RPTOR: variants seen among roughly 807,000 people sequenced by gnomAD.
RPTOR encodes the protein regulatory-associated protein of mTOR.
RPTOR carries 21 observed loss-of-function variants against 169.9 expected under a neutral mutation model. The ratio of observed to expected loss-of-function variants is 0.12; its 90% CI spans 0.09 to 0.18. The LOEUF is 0.18. Ranked by LOEUF, RPTOR falls within the 10% of genes least tolerant of loss-of-function variation. The pLI is 1.00. For missense variants in RPTOR, 1,133 were observed against 1,855.9 expected, an observed-to-expected ratio of 0.61 and a Z score of 7.16; for synonymous variants, 732 against 753.2, an observed-to-expected ratio of 0.97 and a Z score of 0.46.
intron 21 of RPTOR, among the ~76,000 whole-genome samples, chr17:80,919,152 C>T (rs1420587612): frequency 6.6e-6 from 1 of 152,180 alleles, no homozygotes; most frequent in Non-Finnish European, 1.5e-5. Flanking sequence ...AGAGTCACCA[C>T]GTTGCTTTAA....
intron 25 of RPTOR, 76 bp downstream of exon 25, chr17:80,940,677 C>T (rs566204968): frequency 8.4e-7 from 1 of 1,192,500 alleles, no homozygotes; most frequent in Non-Finnish European, 1.2e-6. Flanking sequence ...TGTGAGCAGG[C>T]CCCCCGCGGC....
At chr17:80,678,012 C>T (rs2143698710) in intron 3 of RPTOR, among the ~76,000 whole-genome samples, 1 of 152,236 alleles carries the variant, frequency 6.6e-6, no homozygotes, top group East Asian at 1.9e-4. Context: ...TGTAGAAGAA[C>T]AAGAAGGAGA....
intron 6 of RPTOR, among the ~76,000 whole-genome samples, chr17:80,772,261 A>G (rs2066851034): frequency 6.6e-6 from 1 of 152,150 alleles, no homozygotes; most frequent in South Asian, 2.1e-4. Flanking sequence ...TTTGTCTTGG[A>G]TTGTCTTCCT....
At chr17:80,846,655 T>G in intron 11 of RPTOR, 81 bp downstream of exon 11, 1 of 1,166,644 alleles carries the variant, frequency 8.6e-7, no homozygotes, top group South Asian at 1.3e-5. Flanking sequence ...GGGAGTGCCT[T>G]CTCTCTCCCT....
At chr17:80,625,422 G>C (rs1003705790) in intron 1 of RPTOR, among the ~76,000 whole-genome samples, 5 of 152,134 alleles carry the variant, frequency 3.3e-5, no homozygotes, top group Admixed American at 3.3e-4. Context: ...TTCCATTTCT[G>C]GAGATTTATC....
At chr17:80,800,403 G>A (rs9903560) in intron 7 of RPTOR, among the ~76,000 whole-genome samples, 33,377 of 152,062 alleles carry the variant, frequency 0.22, 4,033 homozygotes, top group African/African-American at 0.31. Context: ...AGCTTTCGCC[G>A]TCCTTGTCAG....
rs1344439170 is a variant in RPTOR, at chr17:80,721,618, A to T, written c.508-8942A>T. Among the ~76,000 whole-genome samples, 1 of 151,338 alleles carries T rather than the reference A, an allele frequency of 6.6e-6. No homozygotes were observed. The highest frequency in any genetic ancestry group is 2.5e-5 in the African/African-American group (1 of 40,642). ...CTGGGCAGCTGGGTGTCTCCAGCCC[A>T]TCATGCTGGAACATGCTGGAAGCTT... On this transcript the variant is annotated intron_variant, in intron 4 of 33. Transcript: ENST00000306801. This position sits in a 1 kb window ranked among gnomAD's most constrained non-coding sequence, Gnocchi z 4.7.
intron 1 of RPTOR, among the ~76,000 whole-genome samples, chr17:80,623,657 T>C (rs2065372015): frequency 6.6e-6 from 1 of 152,076 alleles, no homozygotes; most frequent in Non-Finnish European, 1.5e-5. Context: ...TGTCTCAGCC[T>C]CCGGAGTAGC....
At position 80,885,158 on chromosome 17, in the gene RPTOR, C is replaced by A; in HGVS notation, c.1983+10C>A. 6.4e-7 allele frequency: 1 copy of A among 1,550,660 alleles called. No individual in the cohort carries two copies. Among genetic ancestry groups the A allele is most frequent in the Non-Finnish European group, 8.7e-7 (1 of 1,146,836 alleles). On this transcript the variant is annotated intron_variant, in intron 17 of 33. Coordinates refer to ENST00000306801, the MANE Select transcript of RPTOR (RefSeq NM_020761.3). Reference sequence around the variant, plus strand: ...CCCCATGGTCCGGAAGGTGCGTGAACCCCCAGCCCGGCAGCAGCAGGGCAC... The same window carrying A: ...CCCCATGGTCCGGAAGGTGCGTGAAACCCCAGCCCGGCAGCAGCAGGGCAC...
At position 80,655,504 on chromosome 17, in the gene RPTOR, G is replaced by A. The variant is rs149684151; in HGVS notation, c.348+11694G>A. Among the ~76,000 whole-genome samples the A allele has an allele frequency of 2.6e-5, 4 of 152,064 alleles. No individual in the cohort carries two copies. The East Asian group carries it at 5.8e-4, about 22-fold the overall frequency. On this transcript the variant is annotated intron_variant, in intron 3 of 33. Coordinates refer to ENST00000306801, the MANE Select transcript of RPTOR (RefSeq NM_020761.3). ...TGCAGCCTCAACCTCCTGGGCTCAC[G>A]CTATCCTCTTGCCATATCCTTTTGA...
chr17:80,812,032 C>T (rs1379553707), intron 7 of RPTOR, among the ~76,000 whole-genome samples: 1 of 152,266 alleles, frequency 6.6e-6, no homozygotes, highest in Non-Finnish European at 1.5e-5. Context: ...CAGCCACACC[C>T]TCTCGAACAA....
intron 21 of RPTOR, among the ~76,000 whole-genome samples, chr17:80,913,454 TTTG>T (rs1241999822): frequency 3.3e-5 from 5 of 151,814 alleles, no homozygotes; most frequent in Non-Finnish European, 7.3e-5. Context: ...GGGGGTGTTG[TTTG>T]TTTGTTTTGT....
intron 1 of RPTOR, among the ~76,000 whole-genome samples, chr17:80,607,471 C>G (rs1053152171): frequency 6.6e-6 from 1 of 151,980 alleles, no homozygotes; most frequent in Admixed American, 6.6e-5. Context: ...TGTAACCTGT[C>G]CTGCTTTCTA....
intron 9 of RPTOR, among the ~76,000 whole-genome samples, chr17:80,835,639 C>A (rs375966744): frequency 6.6e-6 from 1 of 152,188 alleles, no homozygotes; most frequent in African/African-American, 2.4e-5. Context: ...CCCGACCTTG[C>A]GGGCGCAAAC....
intron 9 of RPTOR, among the ~76,000 whole-genome samples, chr17:80,832,404 G>A (rs1197597725): frequency 6.6e-6 from 1 of 152,170 alleles, no homozygotes; most frequent in African/African-American, 2.4e-5. Flanking sequence ...GACAGACTTG[G>A]AGCTCACATG....
chr17:80,676,183 G>C (rs190181657), intron 3 of RPTOR, among the ~76,000 whole-genome samples: 2 of 152,176 alleles, frequency 1.3e-5, no homozygotes, highest in Non-Finnish European at 2.9e-5. Context: ...GGAGTTTGTC[G>C]TGTTTATGCA....
intron 24 of RPTOR, among the ~76,000 whole-genome samples, chr17:80,934,927 C>T (rs1483038846): frequency 6.6e-6 from 1 of 151,800 alleles, no homozygotes; most frequent in Non-Finnish European, 1.5e-5. Context: ...TGGCTCATGC[C>T]TGTAATCCAG....
intron 11 of RPTOR, 56 bp from the exon 12 acceptor site, chr17:80,855,408 C>A (rs2067841167): frequency 1.5e-6 from 2 of 1,325,464 alleles, no homozygotes; most frequent in South Asian, 1.2e-5. Context: ...AGCAGCGTTT[C>A]GGGGTTGCAC....
intron 3 of RPTOR, among the ~76,000 whole-genome samples, chr17:80,692,262 C>A (rs2065998749): frequency 6.6e-6 from 1 of 151,262 alleles, no homozygotes; most frequent in African/African-American, 2.4e-5. Context: ...TAGGTGCACG[C>A]CACCATGTCT....
Sources: allele counts gnomAD v4.1 joint callset (sites outside exome capture counted in the v4.1 genomes callset), GRCh38; gene constraint gnomAD v4.1.1; non-coding constraint Gnocchi (gnomAD v3.1); transcripts MANE v1.5; gene names NCBI Gene and HGNC (gene_info 2026-07-23, HGNC 2026-07-21).